CSMD1: variants seen among roughly 807,000 people sequenced by gnomAD.
CSMD1 encodes the protein CUB and Sushi multiple domains 1.
In CSMD1, 213 loss-of-function variants were observed where a neutral mutation model predicts 417.5. That is an observed-to-expected ratio of 0.51 (90% CI 0.46 to 0.57). The LOEUF (loss-of-function observed/expected upper bound fraction) is 0.57. Ranked by LOEUF, CSMD1 falls within the 20% of genes least tolerant of loss-of-function variation. The pLI, the probability that CSMD1 is intolerant of heterozygous loss-of-function variation, is 0.00. For missense variants in CSMD1, 6,923 were observed against 4,529.7 expected, an observed-to-expected ratio of 1.53 and a Z score of -15.17; for synonymous variants, 2,862 against 1,736.8, an observed-to-expected ratio of 1.65 and a Z score of -16.11.
chr8:3,641,971 G>C (rs1406961843), intron 7 of CSMD1, among the ~76,000 whole-genome samples: 19 of 152,102 alleles, frequency 1.2e-4, no homozygotes, highest in Admixed American at 1.2e-3. Context: ...GATGGGGAGA[G>C]AGCAGCAATC....
chr8:3,918,705 A>C (rs1809006442), intron 5 of CSMD1, among the ~76,000 whole-genome samples: 1 of 152,162 alleles, frequency 6.6e-6, no homozygotes, highest in South Asian at 2.1e-4. Flanking sequence ...CATAAAAAGG[A>C]ATGAATTAAT....
intron 1 of CSMD1, among the ~76,000 whole-genome samples, chr8:4,893,358 T>C (rs558180083): frequency 1.4e-4 from 22 of 152,132 alleles, no homozygotes; most frequent in Non-Finnish European, 2.1e-4. Context: ...GTCACTTTTT[T>C]AACTTTGTTT....
At chr8:4,080,344 A>T (rs137997929) in intron 3 of CSMD1, among the ~76,000 whole-genome samples, 1 of 151,362 alleles carries the variant, frequency 6.6e-6, no homozygotes, top group African/African-American at 2.4e-5. Context: ...TTCACAAGTG[A>T]AAGGTGAAGC....
chr8:3,418,778 A>G (rs953863414), intron 12 of CSMD1, among the ~76,000 whole-genome samples: 15 of 152,156 alleles, frequency 9.9e-5, no homozygotes, highest in African/African-American at 3.6e-4. Flanking sequence ...TGCACAAACT[A>G]ATGTCAGACC....
intron 51 of CSMD1, among the ~76,000 whole-genome samples, chr8:3,022,528 G>A (rs535940003): frequency 6.6e-6 from 1 of 152,290 alleles, no homozygotes; most frequent in Non-Finnish European, 1.5e-5. Context: ...TATTCACGTT[G>A]AAATATATCA....
chr8:4,187,676 C>CAAAG (rs1554486803), intron 3 of CSMD1, among the ~76,000 whole-genome samples: 1 of 88,510 alleles, frequency 1.1e-5, no homozygotes, highest in Non-Finnish European at 2.0e-5. Context: ...AACTCCGTCT[C>CAAAG]AAAAAAAAAA....
At chr8:4,150,182 G>A (rs1056000351) in intron 3 of CSMD1, among the ~76,000 whole-genome samples, 1 of 152,156 alleles carries the variant, frequency 6.6e-6, no homozygotes, top group African/African-American at 2.4e-5. Context: ...TATGTCCTGA[G>A]GCATCTGTCT....
At chr8:3,507,838 C>G (rs1357323852) in intron 10 of CSMD1, among the ~76,000 whole-genome samples, 2 of 152,078 alleles carry the variant, frequency 1.3e-5, no homozygotes, top group Non-Finnish European at 2.9e-5. Context: ...CCTTTGCCCA[C>G]TTTTTGATGG....
rs537925775 is a variant in CSMD1 at position 3,110,723 on chromosome 8, G to A, written c.6431-388C>T. 7.9e-5 allele frequency among the ~76,000 whole-genome samples: 12 copies of A among 152,254 alleles called. No homozygotes were observed. In the East Asian group the frequency reaches 1.7e-3, roughly 22 times the overall value. On this transcript the variant is annotated intron_variant, in intron 42 of 69. Coordinates refer to ENST00000635120, the MANE Select transcript of CSMD1 (RefSeq NM_033225.6). ...GTAACTGCTTTTTCTAACTCACACT[G>A]CTAGACCCTATTTATAAGCCATCTG...
chr8:3,552,826 A>G (rs940821957), intron 10 of CSMD1, among the ~76,000 whole-genome samples: 1 of 152,170 alleles, frequency 6.6e-6, no homozygotes, highest in Non-Finnish European at 1.5e-5. Flanking sequence ...TTAAAATTGT[A>G]TAATTTATAT....
chr8:4,348,992 T>C (rs1047363423), intron 3 of CSMD1, among the ~76,000 whole-genome samples: 1 of 152,168 alleles, frequency 6.6e-6, no homozygotes, highest in Non-Finnish European at 1.5e-5. Flanking sequence ...CAGGACAAAC[T>C]GAAAAATTGA....
intron 2 of CSMD1, among the ~76,000 whole-genome samples, chr8:4,538,289 T>C (rs955321080): frequency 6.6e-6 from 1 of 151,910 alleles, no homozygotes; most frequent in Non-Finnish European, 1.5e-5. Context: ...ATCCTACCAC[T>C]ACGACATTGC....
At chr8:3,238,537 G>T (rs775665391) in intron 26 of CSMD1, among the ~76,000 whole-genome samples, 4 of 152,084 alleles carry the variant, frequency 2.6e-5, no homozygotes, top group African/African-American at 7.2e-5. Context: ...GCGAGACTAC[G>T]GGCAGCATGG....
At chr8:3,759,833 G>C (rs1455524191) in intron 5 of CSMD1, among the ~76,000 whole-genome samples, 1 of 148,936 alleles carries the variant, frequency 6.7e-6, no homozygotes, top group African/African-American at 2.5e-5. Flanking sequence ...GTTTGAACCT[G>C]AGAGGCAGAG....
At chr8:4,982,062 C>G (rs1024272770) in intron 1 of CSMD1, among the ~76,000 whole-genome samples, 3 of 152,162 alleles carry the variant, frequency 2.0e-5, no homozygotes, top group African/African-American at 7.2e-5. Context: ...AGCTGCCCAA[C>G]TATCTTAGAA....
chr8:4,438,406 G>T (rs1335854427), intron 2 of CSMD1, among the ~76,000 whole-genome samples: 1 of 152,090 alleles, frequency 6.6e-6, no homozygotes, highest in Non-Finnish European at 1.5e-5. Context: ...AGTTGAAGTT[G>T]GTGGATACTT....
chr8:3,959,325 C>T (rs559614979), intron 5 of CSMD1, among the ~76,000 whole-genome samples: 2 of 152,202 alleles, frequency 1.3e-5, no homozygotes, highest in East Asian at 3.9e-4. Context: ...GGCAAAAAAC[C>T]CTGTCTCTAC....
Position 4,792,947 on chromosome 8 carries a change from T to C in CSMD1, c.86-155389A>G, listed in dbSNP as rs1797770318. Among the ~76,000 whole-genome samples the C allele has an allele frequency of 2.0e-5, 3 of 150,336 alleles. No individual in the cohort carries two copies. In the South Asian group the frequency reaches 6.4e-4, roughly 32 times the overall value. ...TGATTAAAAAGGGATGCAAATTATA[T>C]ATGTATATGGAATATATGTGTATAT... On this transcript the variant is annotated intron_variant, in intron 1 of 69. Coordinates refer to ENST00000635120, the MANE Select transcript of CSMD1 (RefSeq NM_033225.6).
At chr8:4,714,804 C>T (rs1808543571) in intron 1 of CSMD1, among the ~76,000 whole-genome samples, 1 of 152,080 alleles carries the variant, frequency 6.6e-6, no homozygotes, top group African/African-American at 2.4e-5. Context: ...TTAAAATAGA[C>T]TCAACATTAT....
Sources: allele counts gnomAD v4.1 joint callset (sites outside exome capture counted in the v4.1 genomes callset), GRCh38; gene constraint gnomAD v4.1.1; transcripts MANE v1.5; gene names NCBI Gene and HGNC (gene_info 2026-07-23, HGNC 2026-07-21).